The following GUCY1A2 variants were observed in gnomAD, a reference collection of about 807,000 sequenced individuals.
The protein encoded by GUCY1A2 is guanylate cyclase soluble subunit alpha-2.
A neutral mutation model predicts 63.5 loss-of-function variants in GUCY1A2; 27 were observed. The ratio of observed to expected loss-of-function variants is 0.43; its 90% CI spans 0.31 to 0.59. The LOEUF (loss-of-function observed/expected upper bound fraction) is 0.59. Ranked by LOEUF, GUCY1A2 falls within the 20% of genes least tolerant of loss-of-function variation. GUCY1A2 has a pLI of 0.11. For synonymous variants in GUCY1A2, 364 were observed against 343.5 expected, an observed-to-expected ratio of 1.06 and a Z score of -0.66; for missense variants, 768 against 913.3, an observed-to-expected ratio of 0.84 and a Z score of 2.05.
intron 4 of GUCY1A2, among the ~76,000 whole-genome samples, chr11:106,934,835 T>C (rs1860653516): frequency 6.6e-6 from 1 of 152,138 alleles, no homozygotes; most frequent in African/African-American, 2.4e-5. Flanking sequence ...CAAGTGATGC[T>C]ACTAAAAAAA....
chr11:106,726,371 G>T (rs576128091), intron 6 of GUCY1A2, among the ~76,000 whole-genome samples: 1 of 152,032 alleles, frequency 6.6e-6, no homozygotes, highest in African/African-American at 2.4e-5. Flanking sequence ...AGCCGAGACC[G>T]GGCCATTGTA....
At chr11:106,794,134 A>C (rs899385830) in intron 5 of GUCY1A2, among the ~76,000 whole-genome samples, 2 of 152,152 alleles carry the variant, frequency 1.3e-5, no homozygotes, top group Non-Finnish European at 2.9e-5. Context: ...TGTGATACAC[A>C]CACACACAGA....
chr11:106,743,312 C>A (rs894308273), intron 6 of GUCY1A2, among the ~76,000 whole-genome samples: 2 of 152,098 alleles, frequency 1.3e-5, no homozygotes, highest in African/African-American at 4.8e-5. Flanking sequence ...TCTCAGGTGA[C>A]CACAATGGTT....
At chr11:106,807,661 G>A (rs1382664354) in intron 5 of GUCY1A2, among the ~76,000 whole-genome samples, 2 of 152,168 alleles carry the variant, frequency 1.3e-5, no homozygotes, top group Non-Finnish European at 2.9e-5. Context: ...TCCTAGGTGT[G>A]TCTATGAGGG....
At chr11:106,863,240 C>T (rs1859539294) in intron 4 of GUCY1A2, among the ~76,000 whole-genome samples, 1 of 152,040 alleles carries the variant, frequency 6.6e-6, no homozygotes, top group South Asian at 2.1e-4. Flanking sequence ...ACGGTATTGC[C>T]TAGGTTTTCT....
intron 3 of GUCY1A2, among the ~76,000 whole-genome samples, chr11:106,946,403 T>C (rs1241293857): frequency 1.3e-5 from 2 of 152,084 alleles, no homozygotes; most frequent in African/African-American, 4.8e-5. Context: ...AAGAAAATCA[T>C]ATAGCTCACG....
intron 6 of GUCY1A2, among the ~76,000 whole-genome samples, chr11:106,774,483 G>C (rs191754842): frequency 3.3e-5 from 5 of 152,022 alleles, no homozygotes; most frequent in African/African-American, 1.2e-4. Context: ...CTGCAGTCTC[G>C]TTAAGATGGG....
chr11:106,834,060 T>C (rs1171633620), intron 4 of GUCY1A2, among the ~76,000 whole-genome samples: 8 of 152,044 alleles, frequency 5.3e-5, no homozygotes, highest in Non-Finnish European at 7.4e-5. Flanking sequence ...CACATATTTA[T>C]TTTTTGTGGC....
rs1445690578 is a variant in GUCY1A2, at chr11:106,989,325, G to A, written c.304-3194C>T. 3.3e-5 allele frequency among the ~76,000 whole-genome samples: 5 copies of A among 152,090 alleles called. No individual in the cohort carries two copies. In the South Asian group the frequency reaches 1.0e-3, roughly 32 times the overall value. On this transcript the variant is annotated intron_variant, in intron 1 of 7. Transcript: ENST00000526355. ...TTGGGCAATTTACTTAAGCTCTTCT[G>A]AAACAAGATTCCTTATGCGTACCTT...
intron 4 of GUCY1A2, among the ~76,000 whole-genome samples, chr11:106,924,083 C>T (rs1024123353): frequency 2.0e-5 from 3 of 152,088 alleles, no homozygotes; most frequent in African/African-American, 7.2e-5. Context: ...AGGAAGGAAA[C>T]TTATTTCAAT....
At chr11:106,942,575 C>T (rs1346592152) in intron 3 of GUCY1A2, among the ~76,000 whole-genome samples, 1 of 152,156 alleles carries the variant, frequency 6.6e-6, no homozygotes, top group African/African-American at 2.4e-5. Flanking sequence ...TGGATTGCTT[C>T]TAAACTTTGA....
chr11:106,846,633 C>A (rs956539546), intron 4 of GUCY1A2, among the ~76,000 whole-genome samples: 3 of 151,682 alleles, frequency 2.0e-5, no homozygotes, highest in South Asian at 4.1e-4. Context: ...GTTTCCCAGA[C>A]GCTCTGACCT....
At chr11:106,982,963 A>G (rs1861356963) in intron 2 of GUCY1A2, among the ~76,000 whole-genome samples, 1 of 152,188 alleles carries the variant, frequency 6.6e-6, no homozygotes, top group South Asian at 2.1e-4. Flanking sequence ...CTTGACAGAA[A>G]TGCCAGTTTC....
At chr11:106,817,313 T>C (rs1290965489) in intron 4 of GUCY1A2, among the ~76,000 whole-genome samples, 1 of 152,132 alleles carries the variant, frequency 6.6e-6, no homozygotes, top group Non-Finnish European at 1.5e-5. Context: ...TCCTTTAAGC[T>C]TGGAGTATTT....
chr11:106,917,869 AC>A (rs1860389148), intron 4 of GUCY1A2, among the ~76,000 whole-genome samples: 1 of 140,194 alleles, frequency 7.1e-6, no homozygotes, highest in African/African-American at 2.5e-5. Flanking sequence ...GGTGTAGCGC[AC>A]CAACAAGGCA....
At chr11:106,958,546 A>G (rs1257698804) in intron 3 of GUCY1A2, among the ~76,000 whole-genome samples, 6 of 151,908 alleles carry the variant, frequency 3.9e-5, no homozygotes, top group African/African-American at 1.2e-4. Flanking sequence ...GTCTTTTCTC[A>G]TCTTGTATTT....
rs1423663542 is a variant in GUCY1A2, at chr11:106,887,018, A to G, written c.1206+52442T>C. Among the ~76,000 whole-genome samples, 5 of 151,994 alleles carry G rather than the reference A, an allele frequency of 3.3e-5. No individual in the cohort carries two copies. In the East Asian group the frequency reaches 9.7e-4, roughly 29 times the overall value. On this transcript the variant is annotated intron_variant, in intron 4 of 7. Transcript: ENST00000526355. ...CTTCAAATTCCTCACTCCAGCCCCT[A>G]TATCTACCTTGCTGATGGCTAACTA...
In GUCY1A2 at chr11:106,810,410, T is replaced by A; in HGVS notation, c.1275A>T (p.Pro425=). ...TGAGTTCATCCAACTTGTCCACACA[T>A]GGAGAGCCCAAAAATAAAATGGAAT... The part of the protein sequence containing the change: ...ESNSILFLGS[P]CVDKLDELMG... Residue 425 remains proline (P), a synonymous_variant, in exon 5 of 8, where the codon CCA becomes CCT. Transcript: ENST00000526355. The A allele has an allele frequency of 6.2e-7, 1 of 1,612,656 alleles. No individual in the cohort carries two copies. The highest frequency in any genetic ancestry group is 1.1e-5 in the South Asian group (1 of 90,994).
intron 6 of GUCY1A2, among the ~76,000 whole-genome samples, chr11:106,766,926 G>GA (rs1195763756): frequency 6.6e-6 from 1 of 151,960 alleles, no homozygotes; most frequent in Non-Finnish European, 1.5e-5. Flanking sequence ...CTCTACCAGG[G>GA]AAAAAATATT....
Sources: gnomAD v4.1 joint callset for allele counts (sites outside exome capture counted in the v4.1 genomes callset) on GRCh38, gnomAD v4.1.1 for gene constraint, MANE v1.5 for transcripts, NCBI Gene and HGNC (gene_info 2026-07-23, HGNC 2026-07-21) for gene names.